The following ITPRIP variants were observed in gnomAD, a reference collection of about 807,000 sequenced individuals.
ITPRIP encodes the protein inositol 1,4,5-trisphosphate receptor-interacting protein.
Under a neutral mutation model 35.8 loss-of-function variants are expected in ITPRIP, and 32 were observed. That is an observed-to-expected ratio of 0.89 (90% CI 0.68 to 1.20). The LOEUF (loss-of-function observed/expected upper bound fraction) is 1.20. ITPRIP is among the 50% of genes most tolerant of loss of function. The pLI, the probability that ITPRIP is intolerant of heterozygous loss-of-function variation, is 0.00. For missense variants in ITPRIP, 653 were observed against 735.6 expected (o/e 0.89, Z 1.30); for synonymous variants, 358 against 324.0 (o/e 1.11, Z -1.13).
Position 104,322,181 on chromosome 10 carries a change from G to A in ITPRIP, c.-13-6117C>T, listed in dbSNP as rs536334433. The stretch of plus-strand genomic sequence containing the variant: ...CCTCACCTGTTGGGGAGATGTCAGT[G>A]TGCAACTCCTTGGCTCCACCTTCAC... On this transcript the variant is annotated intron_variant, in intron 1 of 1. Transcript: ENST00000337478. 6.8e-4 allele frequency among the ~76,000 whole-genome samples: 103 copies of A among 152,300 alleles called. 1 individual carries two copies. The South Asian group carries it at 9.7e-3, about 14-fold the overall frequency.
chr10:104,325,018 G>A (rs1028648800), intron 1 of ITPRIP, among the ~76,000 whole-genome samples: 2 of 152,160 alleles, frequency 1.3e-5, no homozygotes, highest in South Asian at 2.1e-4. Context: ...AGGAGTTCGA[G>A]ACCAGCCTTG....
intron 1 of ITPRIP, among the ~76,000 whole-genome samples, chr10:104,331,493 A>G (rs1205680617): frequency 6.6e-6 from 1 of 151,848 alleles, no homozygotes; most frequent in Non-Finnish European, 1.5e-5. Flanking sequence ...GGAGGGGGCG[A>G]GAGTTGGGGG....
chr10:104,332,447 T>C (rs139995427), intron 1 of ITPRIP, among the ~76,000 whole-genome samples: 18 of 152,288 alleles, frequency 1.2e-4, no homozygotes, highest in Non-Finnish European at 2.2e-4. Context: ...TGCCTTCAAG[T>C]GGAAGGACAA....
rs185498277 is a variant in ITPRIP, at chr10:104,336,631, G to A, written c.-14+1615C>T. ...CCAAGTGATCCCAGCTCTAAGCCTG[G>A]AACTCCTGGGTTCAAGCAATCCTCC... On this transcript the variant is annotated intron_variant, in intron 1 of 1. Transcript: ENST00000337478. Among the ~76,000 whole-genome samples, 574 of 151,618 alleles carry A rather than the reference G, an allele frequency of 3.8e-3. 3 individuals carry two copies. The highest frequency in any genetic ancestry group is 0.014 in the African/African-American group (558 of 41,178).
rs1380751270 is a variant in ITPRIP, at chr10:104,310,176, A to G, written c.*4232T>C. 6.6e-6 allele frequency: 1 copy of G among 152,214 alleles called. No individual in the cohort carries two copies. The highest frequency in any genetic ancestry group is 2.4e-5 in the African/African-American group (1 of 41,446). The allele number at this position is 152,214 out of a possible 1,614,324, so 9.4% of individuals were successfully genotyped here. A position where few individuals can be genotyped will look rare whatever the true frequency, so the allele number is the denominator to read the frequency against. ...TGAGGTGGAGATGAGACGGACCACG[A>G]AAATGTTCTGAATCACAGCCTTGGG... On this transcript the variant is annotated 3_prime_UTR_variant, in exon 2 of 2. Coordinates refer to ENST00000337478, the MANE Select transcript of ITPRIP (RefSeq NM_001272013.2).
chr10:104,335,395 C>T (rs1481808316), intron 1 of ITPRIP, among the ~76,000 whole-genome samples: 1 of 152,162 alleles, frequency 6.6e-6, no homozygotes, highest in African/African-American at 2.4e-5. Context: ...ACAGTTGTCT[C>T]ACCTCCTTCC....
chr10:104,324,242 A>C (rs2013930451), intron 1 of ITPRIP, among the ~76,000 whole-genome samples: 1 of 152,308 alleles, frequency 6.6e-6, no homozygotes, highest in South Asian at 2.1e-4. Context: ...GCTTTGCTCC[A>C]GCAAGTGCAA....
intron 1 of ITPRIP, among the ~76,000 whole-genome samples, chr10:104,337,614 G>T (rs1170511865): frequency 6.6e-6 from 1 of 152,118 alleles, no homozygotes; most frequent in African/African-American, 2.4e-5. Flanking sequence ...TGGGGTTAGG[G>T]GTGAAGGGGC....
At chr10:104,338,067 G>A (rs1301623448) in intron 1 of ITPRIP, among the ~76,000 whole-genome samples, 179 bp downstream of exon 1, 1 of 152,184 alleles carries the variant, frequency 6.6e-6, no homozygotes, top group African/African-American at 2.4e-5. Context: ...CTGGGCACGC[G>A]CGCTTTAAGG....
In ITPRIP at chr10:104,313,303, G is replaced by C; in HGVS notation, c.*1105C>G. The C allele has an allele frequency of 1.0e-6, 1 of 985,980 alleles. No individual in the cohort carries two copies. Among genetic ancestry groups the C allele is most frequent in the Non-Finnish European group, 1.2e-6 (1 of 830,326 alleles). 61.1% of individuals were successfully genotyped at this position (985,980 alleles called of 1,614,324 possible). Reference sequence around the variant, plus strand: ...ACTGCAAGCCAGACACCACCACCCCGGGTAGCATTTTTGAGCACCTCATCG... The same window carrying C: ...ACTGCAAGCCAGACACCACCACCCCCGGTAGCATTTTTGAGCACCTCATCG... On this transcript the variant is annotated 3_prime_UTR_variant, in exon 2 of 2. Coordinates refer to ENST00000337478, the MANE Select transcript of ITPRIP (RefSeq NM_001272013.2).
chr10:104,323,003 A>C (rs1040400164), intron 1 of ITPRIP, among the ~76,000 whole-genome samples: 4 of 152,144 alleles, frequency 2.6e-5, no homozygotes, highest in Admixed American at 1.3e-4. Flanking sequence ...GGGGGAAATC[A>C]AGCCAAATAT....
chr10:104,337,189 C>T (rs2014254632), intron 1 of ITPRIP, among the ~76,000 whole-genome samples: 1 of 152,176 alleles, frequency 6.6e-6, no homozygotes, highest in Non-Finnish European at 1.5e-5. Context: ...CCTAAAACTG[C>T]ACCAACCACA....
At position 104,315,053 on chromosome 10, in the gene ITPRIP, G is replaced by C; in HGVS notation, c.999C>G (p.Ser333=). The C allele has an allele frequency of 6.2e-7, 1 of 1,614,148 alleles. No homozygotes were observed. The highest frequency in any genetic ancestry group is 8.5e-7 in the Non-Finnish European group (1 of 1,180,028). ...TCCCTGAACGGAACTTGATCTTCAG[G>C]GACCCCGGGCTGTCCAGCTGGCCAA... The part of the protein sequence containing the change: ...LAFGQLDSPG[S]LKIKFRSGKF... Residue 333 remains serine, a synonymous_variant, in exon 2 of 2, where the codon TCC becomes TCG. Transcript: ENST00000337478. This position sits in a 1 kb window ranked among gnomAD's most constrained non-coding sequence, Gnocchi z 5.7.
rs200915089 is a variant in ITPRIP at position 104,314,658 on chromosome 10, A to C, written c.1394T>G (p.Leu465Arg). 1 of 1,613,904 alleles carries C rather than the reference A, an allele frequency of 6.2e-7. No individual in the cohort carries two copies. Among genetic ancestry groups the C allele is most frequent in the East Asian group, 2.2e-5 (1 of 44,896 alleles). The change falls in exon 2 of 2, where the codon CTG (leucine) becomes CGG (arginine). Residue 465 changes from leucine to arginine, a missense_variant. Physicochemically the swap from Leu to Arg is moderately radical, Grantham distance 102. Coordinates refer to ENST00000337478, the MANE Select transcript of ITPRIP (RefSeq NM_001272013.2). ...DARLHELLCF[L>R]EKSLLQKKLH... ...CTTCTTCTGGAGCAAGCTCTTCTCCAGGAAGCACAGCAACTCGTGCAGACG... is the reference window on the plus strand; with the variant it reads ...CTTCTTCTGGAGCAAGCTCTTCTCCCGGAAGCACAGCAACTCGTGCAGACG...
chr10:104,314,802 G>A lies in ITPRIP; in HGVS notation c.1250C>T (p.Ser417Phe). The change falls in exon 2 of 2, where the codon TCC becomes TTC. Residue 417 changes from serine (S) to phenylalanine (F), a missense_variant. By Grantham distance (155) the Ser-to-Phe change is radical (BLOSUM62 -2). Coordinates refer to ENST00000337478, the MANE Select transcript of ITPRIP (RefSeq NM_001272013.2). ...SCLQIASFLLSKQSRLTGPSG... is the reference protein window; with the variant it reads ...SCLQIASFLLFKQSRLTGPSG... ...GGGACCGGTCAGGCGGCTCTGCTTGGAGAGCAGGAAGGATGCTATCTGCAG... is the reference window on the plus strand; with the variant it reads ...GGGACCGGTCAGGCGGCTCTGCTTGAAGAGCAGGAAGGATGCTATCTGCAG... 6.2e-7 allele frequency: 1 copy of A among 1,613,926 alleles called. No individual in the cohort carries two copies. Among genetic ancestry groups the A allele is most frequent in the Non-Finnish European group, 8.5e-7 (1 of 1,180,014 alleles).
intron 1 of ITPRIP, among the ~76,000 whole-genome samples, chr10:104,327,946 C>T (rs988047974): frequency 2.0e-5 from 3 of 152,234 alleles, no homozygotes; most frequent in African/African-American, 7.2e-5. Flanking sequence ...ACCTTCCTCA[C>T]TGTGAGCTCC....
rs1366115176 is a variant in ITPRIP at position 104,314,712 on chromosome 10, G to A, written c.1340C>T (p.Ala447Val). 1 of 1,613,738 alleles carries A rather than the reference G, an allele frequency of 6.2e-7. No homozygotes were observed. The highest frequency in any genetic ancestry group is 8.5e-7 in the Non-Finnish European group (1 of 1,179,862). Residue 447 changes from alanine to valine, a missense_variant, in exon 2 of 2, where the codon GCC (alanine) becomes GTC (valine). By Grantham distance (64) the Ala-to-Val change is moderately conservative (BLOSUM62 0). Coordinates refer to ENST00000337478, the MANE Select transcript of ITPRIP (RefSeq NM_001272013.2). ...LLHLLLLRQA[A>V]DWKAGQLDAR... ...GTCCAGCTGCCCCGCCTTCCAGTCG[G>A]CGGCCTGCCGGAGGAGTAGGAGGTG...
rs1276598692 is a variant in ITPRIP at position 104,316,031 on chromosome 10, G to A, written c.21C>T (p.Arg7=). The change falls in exon 2 of 2, where the codon CGC becomes CGT. Residue 7 remains arginine, a synonymous_variant. Coordinates refer to ENST00000337478, the MANE Select transcript of ITPRIP (RefSeq NM_001272013.2). The stretch of plus-strand genomic sequence containing the variant: ...TGGCCGTCACCACCACCAGACACAC[G>A]CGGAAGAGCCCCATGGCCATGGTTG... MAMGLF[R]VCLVVVTAII... 5 of 1,591,742 alleles carry A rather than the reference G, an allele frequency of 3.1e-6. No homozygotes were observed. The highest frequency in any genetic ancestry group is 2.7e-5 in the African/African-American group (2 of 74,338).
intron 1 of ITPRIP, among the ~76,000 whole-genome samples, chr10:104,330,327 C>A (rs2014123755): frequency 6.6e-6 from 1 of 152,200 alleles, no homozygotes; most frequent in South Asian, 2.1e-4. Context: ...GCACTGCAGT[C>A]AGAAAAACAA....
Sources: allele counts gnomAD v4.1 joint callset (sites outside exome capture counted in the v4.1 genomes callset), GRCh38; gene constraint gnomAD v4.1.1; non-coding constraint Gnocchi (gnomAD v3.1); transcripts MANE v1.5; gene names NCBI Gene and HGNC (gene_info 2026-07-23, HGNC 2026-07-21).